Variants in TPRX2 observed in about 807,000 individuals in gnomAD.
TPRX2 encodes tetrapeptide repeat homeobox 2.
the TPRX2 span, chr19:47,861,122 T>C: frequency 1.4e-6 from 1 of 698,192 alleles, no homozygotes; most frequent in Non-Finnish European, 2.6e-6. Flanking sequence ...TCCCAGCCCC[T>C]ATCCCAGGCC....
the TPRX2 span, chr19:47,861,468 G>C: frequency 3.8e-6 from 4 of 1,058,978 alleles, no homozygotes; most frequent in East Asian, 2.0e-4. Flanking sequence ...GGATGGCTTC[G>C]TGGACAAAAA....
chr19:47,861,710 G>A, the TPRX2 span, among the ~76,000 whole-genome samples: 9 of 152,216 alleles, frequency 5.9e-5, no homozygotes, highest in African/African-American at 1.2e-4. Flanking sequence ...GAGCCTGAGC[G>A]TTTCTCTGCT....
chr19:47,861,213 G>A, the TPRX2 span: 1 of 602,042 alleles, frequency 1.7e-6, no homozygotes, highest in East Asian at 3.6e-5. Context: ...CTCGATCCCC[G>A]GTCCAATACC....
the TPRX2 span, chr19:47,860,677 T>C: frequency 1.1e-6 from 1 of 925,588 alleles, no homozygotes; most frequent in Non-Finnish European, 1.5e-6. Flanking sequence ...GGGGCCCTCA[T>C]ATGGTGGGTG....
chr19:47,860,478 AG>A, the TPRX2 span, among the ~76,000 whole-genome samples: 1 of 151,158 alleles, frequency 6.6e-6, no homozygotes, highest in Non-Finnish European at 1.5e-5. Context: ...TGATCGGCCC[AG>A]GCTGTCCCCC....
chr19:47,860,057 AG>A, the TPRX2 span: 18 of 1,400,662 alleles, frequency 1.3e-5, no homozygotes, highest in African/African-American at 4.4e-5. Context: ...CGGGGTCCCT[AG>A]GGGGGCTGGG....
the TPRX2 span, among the ~76,000 whole-genome samples, chr19:47,860,620 C>G: frequency 6.6e-6 from 1 of 151,776 alleles, no homozygotes; most frequent in Non-Finnish European, 1.5e-5. Context: ...CCCTCCTCCC[C>G]CTACTTTCCC....
At chr19:47,860,587 C>G in the TPRX2 span, among the ~76,000 whole-genome samples, 2 of 151,644 alleles carry the variant, frequency 1.3e-5, no homozygotes, top group Middle Eastern at 3.2e-3. Context: ...GGCGGCAGAC[C>G]CGGCTCCTCC....
the TPRX2 span, chr19:47,860,139 AG>A: frequency 1.7e-5 from 24 of 1,448,800 alleles, no homozygotes; most frequent in African/African-American, 3.4e-4. Context: ...GGACCCTCCA[AG>A]GAGACAGCGG....
the TPRX2 span, chr19:47,860,918 A>G: frequency 6.5e-7 from 1 of 1,526,820 alleles, no homozygotes. Flanking sequence ...TAGTCCCTGT[A>G]GCCGCTGCCT....
At chr19:47,860,492 G>T in the TPRX2 span, among the ~76,000 whole-genome samples, 2 of 151,170 alleles carry the variant, frequency 1.3e-5, no homozygotes, top group Non-Finnish European at 3.0e-5. Context: ...TGTCCCCCAC[G>T]GGGTCTCCCG....
At chr19:47,859,716 AAAAG>A in the TPRX2 span, among the ~76,000 whole-genome samples, 15 of 149,228 alleles carry the variant, frequency 1.0e-4, no homozygotes, top group African/African-American at 3.2e-4. Context: ...CCCTCCAAGA[AAAAG>A]AAAGAAGGAA....
chr19:47,861,307 C>G, the TPRX2 span: 44 of 484,378 alleles, frequency 9.1e-5, 1 homozygote, highest in South Asian at 3.2e-4. Flanking sequence ...CTCCCAACCC[C>G]AGCCCCAGGC....
the TPRX2 span, chr19:47,861,436 C>G: frequency 1.4e-6 from 1 of 714,042 alleles, no homozygotes; most frequent in African/African-American, 1.8e-5. Context: ...CTCTCCACCA[C>G]GACGTCTCAG....
the TPRX2 span, among the ~76,000 whole-genome samples, chr19:47,859,801 TC>T: frequency 6.6e-6 from 1 of 150,624 alleles, no homozygotes. Context: ...AGTGTCAGGG[TC>T]CCTATAACCC....
chr19:47,861,212 C>G, the TPRX2 span: 2 of 600,846 alleles, frequency 3.3e-6, no homozygotes, highest in South Asian at 3.0e-5. Flanking sequence ...TCTCGATCCC[C>G]GGTCCAATAC....
the TPRX2 span, among the ~76,000 whole-genome samples, chr19:47,859,911 G>T: frequency 1.3e-5 from 2 of 149,822 alleles, no homozygotes; most frequent in Non-Finnish European, 3.0e-5. Context: ...GCCTTCCCAG[G>T]AGCTGTTATC....
chr19:47,860,350 C>T, the TPRX2 span: 1 of 981,172 alleles, frequency 1.0e-6, no homozygotes, highest in Non-Finnish European at 1.5e-6. Context: ...CTGTCACTCA[C>T]CGGGGCCTGG....
chr19:47,860,788 C>G, the TPRX2 span: 1 of 1,538,730 alleles, frequency 6.5e-7, no homozygotes, highest in Non-Finnish European at 8.7e-7. Context: ...CTCCCTGTCC[C>G]CTCTGCCCCC....
Sources: allele counts gnomAD v4.1 joint callset (sites outside exome capture counted in the v4.1 genomes callset), GRCh38; gene constraint gnomAD v4.1.1; transcripts MANE v1.5; gene names NCBI Gene and HGNC (gene_info 2026-07-23, HGNC 2026-07-21).